The following CCDC138 variants were observed in gnomAD, a reference collection of about 807,000 sequenced individuals.
CCDC138 encodes coiled-coil domain containing 138.
CCDC138 carries 66 observed loss-of-function variants against 82.3 expected under a neutral mutation model. The observed-to-expected ratio is 0.80, with a 90% CI of 0.66 to 0.98. The LOEUF (loss-of-function observed/expected upper bound fraction) is 0.98, where lower values mean the gene tolerates loss of function less well. Ranked by LOEUF, CCDC138 falls within the 50% of genes least tolerant of loss-of-function variation. The pLI is 0.00. For synonymous variants in CCDC138, 297 were observed against 265.4 expected (o/e 1.12, Z -1.16); for missense variants, 816 against 758.9 (o/e 1.08, Z -0.88).
rs549318335 is a variant in CCDC138 at position 108,806,077 on chromosome 2, T to A, written c.855+1069T>A. On this transcript the variant is annotated intron_variant, in intron 7 of 14. Transcript: ENST00000295124. ...TTGTTTCCCTTTAATCTCTACTTGT[T>A]GTGATCCTCCTCCTTGGCAGTGATA... 5.9e-5 allele frequency among the ~76,000 whole-genome samples: 9 copies of A among 152,346 alleles called. No homozygotes were observed. The East Asian group carries it at 1.5e-3, about 26-fold the overall frequency.
chr2:108,816,150 TTAAAA>T, intron 10 of CCDC138, 45 bp downstream of exon 10: 4 of 1,473,192 alleles, frequency 2.7e-6, no homozygotes, highest in Non-Finnish European at 3.7e-6. Context: ...TATATGAAGA[TTAAAA>T]AAGGAAAAGC....
rs371250707 is a variant in CCDC138 at position 108,812,978 on chromosome 2, G to A, written c.1041+51G>A. 1.5e-3 allele frequency: 2,277 copies of A among 1,495,962 alleles called. 48 individuals carry two copies. The highest frequency in any genetic ancestry group is 6.3e-4 in the Middle Eastern group (3 of 4,796). 92.7% of individuals were successfully genotyped at this position (1,495,962 alleles called of 1,614,324 possible). The stretch of plus-strand genomic sequence containing the variant: ...GATTGAAAATTTCTCGGCTGGGTAC[G>A]GTGGCTCACACCTGTAATCCCAGCA... On this transcript the variant is annotated intron_variant, in intron 9 of 14. Coordinates refer to ENST00000295124, the MANE Select transcript of CCDC138 (RefSeq NM_144978.3).
chr2:108,858,765 G>A (rs1390511842), intron 13 of CCDC138, among the ~76,000 whole-genome samples: 1 of 151,700 alleles, frequency 6.6e-6, no homozygotes, highest in Admixed American at 6.6e-5. Context: ...TTTATTGTGT[G>A]ATGCTGAGGT....
intron 10 of CCDC138, among the ~76,000 whole-genome samples, chr2:108,825,899 C>T (rs1002819115): frequency 6.6e-5 from 10 of 152,124 alleles, no homozygotes; most frequent in Admixed American, 6.5e-4. Context: ...GCAGAAGTTT[C>T]GATTTCTTTA....
intron 13 of CCDC138, among the ~76,000 whole-genome samples, chr2:108,869,824 A>G (rs550834607): frequency 8.7e-4 from 132 of 152,296 alleles, no homozygotes; most frequent in African/African-American, 3.1e-3. Context: ...CTTTCATGTC[A>G]GTCTTCAAAG....
In CCDC138 at chr2:108,856,978, T is replaced by C; in HGVS notation, c.1693+8T>C. On this transcript the variant is annotated splice_region_variant and intron_variant, in intron 13 of 14. Transcript: ENST00000295124. ...AGATGACGGTGGAATCTAGTAAGTT[T>C]TTAAGTTCTATATGTGTAAAGAAAG... 1 of 1,557,754 alleles carries C rather than the reference T, an allele frequency of 6.4e-7. No homozygotes were observed. The highest frequency in any genetic ancestry group is 8.8e-7 in the Non-Finnish European group (1 of 1,139,468).
chr2:108,788,504 T>TC (rs1471835342), intron 2 of CCDC138, among the ~76,000 whole-genome samples: 2 of 151,316 alleles, frequency 1.3e-5, no homozygotes, highest in African/African-American at 4.9e-5. Flanking sequence ...GATCACGAGG[T>TC]CAGGAGATGG....
chr2:108,837,871 T>TA (rs1276647336), intron 10 of CCDC138, among the ~76,000 whole-genome samples: 1 of 152,160 alleles, frequency 6.6e-6, no homozygotes, highest in Non-Finnish European at 1.5e-5. Context: ...TTTTATTCCA[T>TA]AAAAATACTA....
At chr2:108,866,604 G>T (rs1269218245) in intron 13 of CCDC138, among the ~76,000 whole-genome samples, 1 of 152,156 alleles carries the variant, frequency 6.6e-6, no homozygotes, top group Non-Finnish European at 1.5e-5. Context: ...ATTAAAATAG[G>T]CCAGGCATGG....
intron 7 of CCDC138, among the ~76,000 whole-genome samples, chr2:108,811,485 C>T (rs1309614433): frequency 2.0e-5 from 3 of 151,978 alleles, no homozygotes; most frequent in African/African-American, 7.3e-5. Context: ...TCAAGTGATC[C>T]TCCTGCCTCA....
downstream of CCDC138, among the ~76,000 whole-genome samples, chr2:108,880,413 A>G (rs1245203979): frequency 6.6e-6 from 1 of 152,186 alleles, no homozygotes; most frequent in Non-Finnish European, 1.5e-5. Flanking sequence ...AGTACCAACT[A>G]ACTTTCTCCC....
chr2:108,830,096 T>C (rs994542619), intron 10 of CCDC138, among the ~76,000 whole-genome samples: 2 of 152,180 alleles, frequency 1.3e-5, no homozygotes, highest in Non-Finnish European at 2.9e-5. Flanking sequence ...GGCATGAAAT[T>C]GACACATGCT....
intron 11 of CCDC138, among the ~76,000 whole-genome samples, chr2:108,842,589 C>T (rs1467838443): frequency 3.9e-5 from 6 of 151,996 alleles, no homozygotes; most frequent in Admixed American, 1.3e-4. Context: ...TCACACAGTC[C>T]GTAGTGAGGT....
chr2:108,843,340 T>G (rs941611527), intron 11 of CCDC138, among the ~76,000 whole-genome samples: 5 of 152,126 alleles, frequency 3.3e-5, no homozygotes, highest in Non-Finnish European at 5.9e-5. Flanking sequence ...GTATTTTTAG[T>G]AGAGATGGGG....
chr2:108,832,876 C>T (rs973941435), intron 10 of CCDC138, among the ~76,000 whole-genome samples: 8 of 152,078 alleles, frequency 5.3e-5, no homozygotes, highest in Admixed American at 1.3e-4. Flanking sequence ...GTGGAGTCAC[C>T]TGCTGTTCTA....
chr2:108,873,410 G>T lies in CCDC138; in HGVS notation c.1694-41G>T, dbSNP rs371581834. On this transcript the variant is annotated intron_variant, in intron 13 of 14. Coordinates refer to ENST00000295124, the MANE Select transcript of CCDC138 (RefSeq NM_144978.3). ...TAATTTGTTTTTAATTTCCTTTTTCGCTACTCCCTAATAGTAAAGCACTGT... is the reference window on the plus strand; with the variant it reads ...TAATTTGTTTTTAATTTCCTTTTTCTCTACTCCCTAATAGTAAAGCACTGT... The T allele has an allele frequency of 3.5e-6, 5 of 1,424,366 alleles. 1 individual carries two copies. Among genetic ancestry groups the T allele is most frequent in the South Asian group, 3.5e-5 (2 of 56,666 alleles). 88.2% of individuals were successfully genotyped at this position (1,424,366 alleles called of 1,614,324 possible).
At chr2:108,835,431 A>C (rs1460516688) in intron 10 of CCDC138, among the ~76,000 whole-genome samples, 2 of 152,232 alleles carry the variant, frequency 1.3e-5, no homozygotes, top group South Asian at 2.1e-4. Context: ...AAAAAAATTC[A>C]TGGAACTGTT....
chr2:108,794,447 G>T, intron 4 of CCDC138, 93 bp from the exon 5 acceptor site: 8 of 1,106,060 alleles, frequency 7.2e-6, no homozygotes, highest in East Asian at 2.5e-5. Context: ...GTTATATTTT[G>T]TACTTAAAGC....
intron 7 of CCDC138, among the ~76,000 whole-genome samples, chr2:108,811,526 AGCTACT>A (rs1683873491): frequency 1.3e-5 from 2 of 151,992 alleles, no homozygotes; most frequent in Admixed American, 1.3e-4. Flanking sequence ...TACAGGTGTG[AGCTACT>A]GCACTCAGCC....
Sources: allele counts gnomAD v4.1 joint callset (sites outside exome capture counted in the v4.1 genomes callset), GRCh38; gene constraint gnomAD v4.1.1; transcripts MANE v1.5; gene names NCBI Gene and HGNC (gene_info 2026-07-23, HGNC 2026-07-21).